Variants in CRACR2A observed in about 807,000 individuals in gnomAD.
CRACR2A encodes the protein EF-hand calcium-binding domain-containing protein 4B.
Under a neutral mutation model 90.5 loss-of-function variants are expected in CRACR2A, and 79 were observed. The ratio of observed to expected loss-of-function variants is 0.87; its 90% confidence interval spans 0.73 to 1.05. The LOEUF (loss-of-function observed/expected upper bound fraction) is 1.05, where lower values mean the gene tolerates loss of function less well. Among genes scored for constraint, CRACR2A ranks in the 50% least tolerant of loss-of-function variants. The pLI, the probability that CRACR2A is intolerant of heterozygous loss-of-function variation, is 0.00. For synonymous variants in CRACR2A, 338 were observed against 356.7 expected (o/e 0.95, Z 0.59); for missense variants, 823 against 897.2 (o/e 0.92, Z 1.06).
At chr12:3,723,562 GT>G (rs1565502461) in intron 2 of CRACR2A, among the ~76,000 whole-genome samples, 1 of 151,932 alleles carries the variant, frequency 6.6e-6, no homozygotes, top group Non-Finnish European at 1.5e-5. Flanking sequence ...ATGCCCCTAG[GT>G]GTCCCTAGGG....
At chr12:3,745,248 G>A (rs1281023329) in intron 1 of CRACR2A, among the ~76,000 whole-genome samples, 2 of 152,130 alleles carry the variant, frequency 1.3e-5, no homozygotes, top group East Asian at 3.9e-4. Context: ...ACCACTGAAA[G>A]ATCTAGAGGT....
At chr12:3,651,833 C>T (rs144660101) in intron 10 of CRACR2A, among the ~76,000 whole-genome samples, 448 of 152,214 alleles carry the variant, frequency 2.9e-3, no homozygotes, top group African/African-American at 0.01. Flanking sequence ...CCTCTCTGAG[C>T]CTCAGAATCT....
intron 4 of CRACR2A, among the ~76,000 whole-genome samples, chr12:3,685,813 G>C (rs1364882050): frequency 1.3e-5 from 2 of 152,182 alleles, no homozygotes; most frequent in African/African-American, 4.8e-5. Flanking sequence ...TGATAATGGT[G>C]GTTGCAGAAG....
At chr12:3,690,110 C>G (rs532069201) in intron 4 of CRACR2A, among the ~76,000 whole-genome samples, 2 of 151,408 alleles carry the variant, frequency 1.3e-5, no homozygotes, top group Non-Finnish European at 1.5e-5. Context: ...AAGAAAAAAC[C>G]TCCTGGATTC....
At chr12:3,686,806 G>A (rs1262157030) in intron 4 of CRACR2A, among the ~76,000 whole-genome samples, 2 of 152,210 alleles carry the variant, frequency 1.3e-5, no homozygotes, top group African/African-American at 4.8e-5. Flanking sequence ...GGAGTCATAA[G>A]GGAGGCTGAG....
At chr12:3,677,278 A>T (rs1230087973) in intron 6 of CRACR2A, among the ~76,000 whole-genome samples, 1 of 152,244 alleles carries the variant, frequency 6.6e-6, no homozygotes, top group Admixed American at 6.5e-5. Flanking sequence ...CTGAGGTCTC[A>T]CAGCCGTGAA....
chr12:3,713,153 A>G, intron 3 of CRACR2A, 84 bp downstream of exon 3: 1 of 599,456 alleles, frequency 1.7e-6, no homozygotes, highest in South Asian at 7.3e-5. Context: ...CAATAGTGCT[A>G]ACAAGGCAGG....
chr12:3,616,723 G>A (rs1867690756), intron 19 of CRACR2A, among the ~76,000 whole-genome samples: 1 of 152,238 alleles, frequency 6.6e-6, no homozygotes, highest in Admixed American at 6.5e-5. Flanking sequence ...CAATGGGGGT[G>A]ACAGGTAGGG....
chr12:3,738,072 G>A (rs1946473153), intron 1 of CRACR2A, among the ~76,000 whole-genome samples: 1 of 152,218 alleles, frequency 6.6e-6, no homozygotes, highest in South Asian at 2.1e-4. Context: ...TTCATAAAGT[G>A]CATTCAGTAC....
intron 8 of CRACR2A, among the ~76,000 whole-genome samples, chr12:3,656,716 C>A (rs1025504819): frequency 2.6e-5 from 4 of 152,208 alleles, no homozygotes; most frequent in Non-Finnish European, 5.9e-5. Context: ...TTGTGGTACA[C>A]TGAATGGGGA....
intron 13 of CRACR2A, among the ~76,000 whole-genome samples, chr12:3,639,499 C>A (rs1350849740): frequency 2.4e-5 from 3 of 127,414 alleles, no homozygotes; most frequent in Non-Finnish European, 5.3e-5. Flanking sequence ...TGCACACAGA[C>A]TAGAAAAGAA....
At chr12:3,636,809 A>G (rs895373368) in intron 14 of CRACR2A, among the ~76,000 whole-genome samples, 1 of 152,236 alleles carries the variant, frequency 6.6e-6, no homozygotes, top group Non-Finnish European at 1.5e-5. Flanking sequence ...AGTGATCTGC[A>G]GGCATGAGTC....
intron 6 of CRACR2A, among the ~76,000 whole-genome samples, chr12:3,676,039 C>T (rs1414535167): frequency 6.6e-6 from 1 of 152,080 alleles, no homozygotes; most frequent in African/African-American, 2.4e-5. Context: ...CCTTTCCTTG[C>T]TCCATCACTT....
intron 11 of CRACR2A, among the ~76,000 whole-genome samples, chr12:3,646,829 C>T (rs1040593662): frequency 6.6e-6 from 1 of 152,166 alleles, no homozygotes; most frequent in African/African-American, 2.4e-5. Context: ...TGTAGCCATC[C>T]CCATACAGAA....
At chr12:3,688,084 T>C (rs1220612513) in intron 4 of CRACR2A, among the ~76,000 whole-genome samples, 6 of 152,246 alleles carry the variant, frequency 3.9e-5, no homozygotes, top group Non-Finnish European at 7.3e-5. Flanking sequence ...AGATGCTGTA[T>C]ATTAGACCTT....
At chr12:3,714,219 A>C (rs1040793054) in intron 2 of CRACR2A, among the ~76,000 whole-genome samples, 13 of 152,356 alleles carry the variant, frequency 8.5e-5, no homozygotes, top group African/African-American at 3.1e-4. Context: ...CTGTGCAGGC[A>C]CTTTTTTTAG....
At chr12:3,670,616 C>CT (rs1416590342) in intron 7 of CRACR2A, among the ~76,000 whole-genome samples, 1 of 152,122 alleles carries the variant, frequency 6.6e-6, no homozygotes, top group East Asian at 1.9e-4. Flanking sequence ...TGTGACCCAC[C>CT]TTTTTTTAAA....
At chr12:3,640,587 T>C in intron 13 of CRACR2A, 2 of 1,291,628 alleles carry the variant, frequency 1.5e-6, no homozygotes, top group South Asian at 1.3e-5. Flanking sequence ...GGCTCCCAAA[T>C]TGTATCTCAT....
chr12:3,706,175 C>T (rs1043319113), intron 3 of CRACR2A, among the ~76,000 whole-genome samples: 1 of 152,208 alleles, frequency 6.6e-6, no homozygotes, highest in Non-Finnish European at 1.5e-5. Context: ...GTTCTTCATG[C>T]CTGTGCCTCT....
Sources: allele counts gnomAD v4.1 joint callset (sites outside exome capture counted in the v4.1 genomes callset), GRCh38; gene constraint gnomAD v4.1.1; transcripts MANE v1.5; gene names NCBI Gene and HGNC (gene_info 2026-07-23, HGNC 2026-07-21).